Variants in MACROD2 observed in about 807,000 individuals in gnomAD.
MACROD2 encodes ADP-ribose glycohydrolase MACROD2.
Under a neutral mutation model 70.4 loss-of-function variants are expected in MACROD2, and 36 were observed. The observed-to-expected ratio is 0.51, with a 90% CI of 0.39 to 0.68. The LOEUF is 0.68. Among genes scored for constraint, MACROD2 ranks in the 30% least tolerant of loss-of-function variants. The pLI is 0.00. For missense variants in MACROD2, 496 were observed against 538.4 expected, an observed-to-expected ratio of 0.92 and a Z score of 0.78; for synonymous variants, 172 against 178.8, an observed-to-expected ratio of 0.96 and a Z score of 0.30.
chr20:15,978,582 G>GTCTCTCTCTCTCTCTCTC (rs59205516), intron 13 of MACROD2, among the ~76,000 whole-genome samples: 25 of 146,422 alleles, frequency 1.7e-4, no homozygotes, highest in African/African-American at 5.1e-4. Context: ...CTGACCTTGG[G>GTCTCTCTCTCTCTCTCTC]TCTCTCTCTC....
At chr20:15,259,460 G>A (rs560654110) in intron 6 of MACROD2, among the ~76,000 whole-genome samples, 1 of 152,108 alleles carries the variant, frequency 6.6e-6, no homozygotes, top group East Asian at 1.9e-4. Flanking sequence ...GTGACTGGGG[G>A]CCAGTTTATG....
At chr20:14,858,655 T>A (rs570707540) in intron 5 of MACROD2, among the ~76,000 whole-genome samples, 1 of 152,290 alleles carries the variant, frequency 6.6e-6, no homozygotes, top group East Asian at 1.9e-4. Flanking sequence ...AGTGCACTGA[T>A]GCATCCACTT....
At chr20:15,290,007 T>G (rs2077527497) in intron 6 of MACROD2, among the ~76,000 whole-genome samples, 1 of 152,224 alleles carries the variant, frequency 6.6e-6, no homozygotes, top group Non-Finnish European at 1.5e-5. Flanking sequence ...TAACATTCCC[T>G]GAGCCAGGGA....
chr20:14,828,528 G>A (rs143092703), intron 5 of MACROD2, among the ~76,000 whole-genome samples: 1 of 152,236 alleles, frequency 6.6e-6, no homozygotes, highest in Non-Finnish European at 1.5e-5. Context: ...AGAGACAGCA[G>A]TGGTAGGAGA....
intron 4 of MACROD2, among the ~76,000 whole-genome samples, chr20:14,529,046 T>C (rs1005171278): frequency 2.0e-5 from 3 of 152,164 alleles, no homozygotes; most frequent in African/African-American, 7.2e-5. Context: ...ACTTCTCATA[T>C]TCAGTGATTG....
chr20:15,064,645 C>T (rs1206744449), intron 5 of MACROD2, among the ~76,000 whole-genome samples: 4 of 152,146 alleles, frequency 2.6e-5, no homozygotes, highest in Admixed American at 6.5e-5. Context: ...AGCCACTCCA[C>T]GCATAGCAAT....
intron 6 of MACROD2, among the ~76,000 whole-genome samples, chr20:15,371,230 T>C (rs913985281): frequency 3.3e-5 from 5 of 152,134 alleles, no homozygotes; most frequent in African/African-American, 1.2e-4. Flanking sequence ...AGTTTGATGA[T>C]TGGCTGGGCT....
intron 3 of MACROD2, among the ~76,000 whole-genome samples, chr20:14,203,878 G>A (rs1322709907): frequency 6.6e-6 from 1 of 152,194 alleles, no homozygotes; most frequent in African/African-American, 2.4e-5. Context: ...GTGCTTGGGT[G>A]CTGGTGGTGG....
chr20:15,052,610 C>G (rs954060624), intron 5 of MACROD2, among the ~76,000 whole-genome samples: 4 of 152,186 alleles, frequency 2.6e-5, no homozygotes, highest in Non-Finnish European at 5.9e-5. Context: ...GCTCCGACTG[C>G]TCCACTGACC....
At position 15,793,663 on chromosome 20, in the gene MACROD2, G is replaced by A. The variant is rs963126593; in HGVS notation, c.646-69082G>A. Among the ~76,000 whole-genome samples the A allele has an allele frequency of 1.8e-4, 28 of 151,446 alleles. 1 individual carries two copies. Among genetic ancestry groups the A allele is most frequent in the African/African-American group, 6.5e-4 (27 of 41,402 alleles). On this transcript the variant is annotated intron_variant, in intron 8 of 17. Coordinates refer to ENST00000684519, the MANE Select transcript of MACROD2 (RefSeq NM_001351661.2). ...TCATTTCCTTAAGAATAGACTTAGT[G>A]AAATATTAAATTTTTCTTATATGTA...
intron 9 of MACROD2, among the ~76,000 whole-genome samples, chr20:15,866,407 A>C (rs886226678): frequency 1.3e-5 from 2 of 151,826 alleles, no homozygotes; most frequent in Non-Finnish European, 2.9e-5. Flanking sequence ...AAAAAATATA[A>C]ATAAATAAAT....
chr20:15,240,747 C>T (rs988917655), intron 6 of MACROD2, among the ~76,000 whole-genome samples: 1 of 152,094 alleles, frequency 6.6e-6, no homozygotes, highest in African/African-American at 2.4e-5. Flanking sequence ...GGTGATTAGA[C>T]TTAAATGAGT....
At chr20:14,961,338 A>G (rs1452030704) in intron 5 of MACROD2, among the ~76,000 whole-genome samples, 2 of 152,292 alleles carry the variant, frequency 1.3e-5, no homozygotes, top group East Asian at 3.9e-4. Flanking sequence ...AACCAGGGTG[A>G]TTATTTTCAG....
At chr20:14,617,922 A>G (rs1983574439) in intron 4 of MACROD2, among the ~76,000 whole-genome samples, 1 of 152,156 alleles carries the variant, frequency 6.6e-6, no homozygotes, top group South Asian at 2.1e-4. Flanking sequence ...TTTGTACAGA[A>G]CTAGACTTCA....
chr20:14,519,729 G>A (rs1391391088), intron 4 of MACROD2, among the ~76,000 whole-genome samples: 1 of 152,102 alleles, frequency 6.6e-6, no homozygotes, highest in Non-Finnish European at 1.5e-5. Context: ...ATACCCAAAG[G>A]AATATAAATT....
intron 8 of MACROD2, among the ~76,000 whole-genome samples, chr20:15,542,948 A>G (rs1189260449): frequency 6.6e-6 from 1 of 152,140 alleles, no homozygotes; most frequent in Non-Finnish European, 1.5e-5. Flanking sequence ...CCACTGGCAG[A>G]GGGTGAGGAC....
intron 5 of MACROD2, among the ~76,000 whole-genome samples, chr20:14,749,616 A>C (rs1326609567): frequency 6.6e-6 from 1 of 152,146 alleles, no homozygotes; most frequent in African/African-American, 2.4e-5. Flanking sequence ...CAAAACTAAA[A>C]ACAATAATCT....
At position 16,051,964 on chromosome 20, in the gene MACROD2, A is replaced by G. The variant is rs1469930959; in HGVS notation, c.*2088A>G. The stretch of plus-strand genomic sequence containing the variant: ...ATCCAGCCCTGGCATTCTCCTTATC[A>G]TCAATGACAGTCATTTTATTCATTT... On this transcript the variant is annotated 3_prime_UTR_variant, in exon 18 of 18. Coordinates refer to ENST00000684519, the MANE Select transcript of MACROD2 (RefSeq NM_001351661.2). The G allele has an allele frequency of 6.6e-6, 1 of 152,208 alleles. No individual in the cohort carries two copies. Among genetic ancestry groups the G allele is most frequent in the Non-Finnish European group, 1.5e-5 (1 of 68,040 alleles). 9.4% of individuals were successfully genotyped at this position (152,208 alleles called of 1,614,324 possible).
chr20:15,702,121 A>G (rs753896759), intron 8 of MACROD2, among the ~76,000 whole-genome samples: 2 of 152,216 alleles, frequency 1.3e-5, no homozygotes, highest in Non-Finnish European at 2.9e-5. Context: ...TGGTGTGATG[A>G]ACATACAAGT....
Sources: gnomAD v4.1 joint callset for allele counts (sites outside exome capture counted in the v4.1 genomes callset) on GRCh38, gnomAD v4.1.1 for gene constraint, MANE v1.5 for transcripts, NCBI Gene and HGNC (gene_info 2026-07-23, HGNC 2026-07-21) for gene names.